NTM: variants seen among roughly 807,000 people sequenced by gnomAD.
NTM encodes the protein IgLON family member 2.
Under a neutral mutation model 42.1 loss-of-function variants are expected in NTM, and 13 were observed. The observed-to-expected ratio is 0.31, with a 90% CI of 0.20 to 0.49. NTM has a LOEUF of 0.49. Among genes scored for constraint, NTM ranks in the 20% least tolerant of loss-of-function variants. The pLI, the probability that NTM is intolerant of heterozygous loss-of-function variation, is 0.99. For synonymous variants in NTM, 187 were observed against 179.2 expected, an observed-to-expected ratio of 1.04 and a Z score of -0.35; for missense variants, 373 against 452.8, an observed-to-expected ratio of 0.82 and a Z score of 1.60.
At chr11:131,742,951 A>G (rs1175793129) in intron 1 of NTM, among the ~76,000 whole-genome samples, 3 of 152,230 alleles carry the variant, frequency 2.0e-5, no homozygotes, top group Admixed American at 2.0e-4. Flanking sequence ...GGTTGACATG[A>G]GCGCCCAATA....
At chr11:132,196,228 C>T (rs974396746) in intron 3 of NTM, among the ~76,000 whole-genome samples, 6 of 152,122 alleles carry the variant, frequency 3.9e-5, no homozygotes, top group African/African-American at 1.4e-4. Context: ...TAGAGAAATG[C>T]AAATCAAACC....
chr11:131,632,296 G>T (rs1301409010), intron 1 of NTM, among the ~76,000 whole-genome samples: 2 of 152,014 alleles, frequency 1.3e-5, no homozygotes, highest in Non-Finnish European at 2.9e-5. Context: ...TCCCCTTTAT[G>T]CCAGTGTTTG....
rs904097860 is a variant in NTM, at chr11:132,058,528, C to G, written c.168-87754C>G. 2.6e-5 allele frequency among the ~76,000 whole-genome samples: 4 copies of G among 152,198 alleles called. No homozygotes were observed. The South Asian group carries it at 6.2e-4, about 24-fold the overall frequency. Reference sequence around the variant, plus strand: ...AATGCTGTGTTGCTTCCAACCATCTCGAGACTTTCATCCCCCTCTTGACAT... The same window carrying G: ...AATGCTGTGTTGCTTCCAACCATCTGGAGACTTTCATCCCCCTCTTGACAT... On this transcript the variant is annotated intron_variant, in intron 2 of 8. Transcript: ENST00000683400.
intron 6 of NTM, among the ~76,000 whole-genome samples, chr11:132,310,949 G>A (rs1386410641): frequency 2.0e-5 from 3 of 152,166 alleles, no homozygotes; most frequent in Non-Finnish European, 4.4e-5. Context: ...GATGAACAAC[G>A]GGAAATGGGC....
intron 1 of NTM, among the ~76,000 whole-genome samples, chr11:131,728,843 G>A (rs1432343556): frequency 6.6e-6 from 1 of 152,092 alleles, no homozygotes; most frequent in Non-Finnish European, 1.5e-5. Flanking sequence ...CTATACTGAA[G>A]CTACTTAGGG....
chr11:132,263,833 C>G (rs1166513837), intron 4 of NTM, among the ~76,000 whole-genome samples: 1 of 152,220 alleles, frequency 6.6e-6, no homozygotes, highest in Non-Finnish European at 1.5e-5. Flanking sequence ...CCTCCAGTTT[C>G]TAATAACATG....
intron 3 of NTM, among the ~76,000 whole-genome samples, chr11:132,168,315 GACCTT>G (rs2075599026): frequency 1.3e-5 from 2 of 152,166 alleles, no homozygotes; most frequent in African/African-American, 4.8e-5. Flanking sequence ...GAGCCCAGTT[GACCTT>G]GCCTGGATCA....
chr11:131,654,062 C>G (rs747633402), intron 1 of NTM, among the ~76,000 whole-genome samples: 69 of 152,164 alleles, frequency 4.5e-4, no homozygotes, highest in Non-Finnish European at 8.2e-4. Context: ...ACAGACAGCT[C>G]TCATGTGTAC....
At chr11:131,984,076 G>A (rs186012596) in intron 2 of NTM, among the ~76,000 whole-genome samples, 1 of 152,292 alleles carries the variant, frequency 6.6e-6, no homozygotes, top group African/African-American at 2.4e-5. Flanking sequence ...TTGGTGTACA[G>A]GTAGCAATCA....
chr11:132,102,241 CA>C (rs1566163598), intron 2 of NTM, among the ~76,000 whole-genome samples: 1 of 152,170 alleles, frequency 6.6e-6, no homozygotes, highest in Admixed American at 6.6e-5. Context: ...AGAATATATA[CA>C]TATACTTTTT....
At chr11:131,380,933 CA>C (rs1214288474) in intron 1 of NTM, among the ~76,000 whole-genome samples, 3 of 152,180 alleles carry the variant, frequency 2.0e-5, no homozygotes, top group African/African-American at 7.2e-5. Flanking sequence ...TTCTTTCTGA[CA>C]AATATTTTTT....
intron 1 of NTM, among the ~76,000 whole-genome samples, chr11:131,762,003 T>C (rs937693732): frequency 1.3e-5 from 2 of 152,200 alleles, no homozygotes; most frequent in African/African-American, 4.8e-5. Context: ...CATGCTGGCA[T>C]GGCACCTTGA....
chr11:132,058,765 C>T (rs936886965), intron 2 of NTM, among the ~76,000 whole-genome samples: 3 of 152,168 alleles, frequency 2.0e-5, no homozygotes, highest in Non-Finnish European at 4.4e-5. Flanking sequence ...CAGAACATCA[C>T]GAAACCAATA....
intron 2 of NTM, among the ~76,000 whole-genome samples, chr11:132,112,809 AC>A (rs2063400637): frequency 6.6e-6 from 1 of 151,676 alleles, no homozygotes; most frequent in Non-Finnish European, 1.5e-5. Context: ...GATCAAATGC[AC>A]CCCTGGGCTT....
chr11:132,106,028 G>A (rs2062331426), intron 2 of NTM, among the ~76,000 whole-genome samples: 1 of 152,102 alleles, frequency 6.6e-6, no homozygotes, highest in African/African-American at 2.4e-5. Flanking sequence ...TGGGATCATG[G>A]GCTCCGTGGC....
chr11:131,830,890 T>G (rs535780542), intron 1 of NTM, among the ~76,000 whole-genome samples: 1 of 152,316 alleles, frequency 6.6e-6, no homozygotes, highest in South Asian at 2.1e-4. Flanking sequence ...TTCACCTCCT[T>G]GGTGAGCTGT....
chr11:131,887,126 T>G (rs577996818), intron 1 of NTM, among the ~76,000 whole-genome samples: 3 of 152,336 alleles, frequency 2.0e-5, no homozygotes, highest in African/African-American at 4.8e-5. Context: ...TCTAACAGAT[T>G]AGATTGTAAG....
chr11:131,671,626 G>A (rs1306233162), intron 1 of NTM: 1 of 984,698 alleles, frequency 1.0e-6, no homozygotes, highest in African/African-American at 1.7e-5. Flanking sequence ...GGTGGCAAAT[G>A]GCTCAGAGCC....
chr11:131,785,255 A>G (rs1483547395), intron 1 of NTM, among the ~76,000 whole-genome samples: 3 of 152,244 alleles, frequency 2.0e-5, no homozygotes, highest in Admixed American at 1.3e-4. Flanking sequence ...AGCCAACCAC[A>G]GGCAGAGTGA....
Sources: gnomAD v4.1 joint callset for allele counts (sites outside exome capture counted in the v4.1 genomes callset) on GRCh38, gnomAD v4.1.1 for gene constraint, MANE v1.5 for transcripts, NCBI Gene and HGNC (gene_info 2026-07-23, HGNC 2026-07-21) for gene names.